GLT1D1: variants seen among roughly 807,000 people sequenced by gnomAD.
GLT1D1 encodes the protein glycosyltransferase 1 domain containing 1, also known as glycosyltransferase 1 domain-containing protein 1.
A neutral mutation model predicts 28.7 loss-of-function variants in GLT1D1; 21 were observed. The ratio of observed to expected loss-of-function variants is 0.73; its 90% confidence interval spans 0.52 to 1.05. GLT1D1 has a LOEUF of 1.05. GLT1D1 is among the 50% of genes least tolerant of loss of function. The pLI is 0.00. For missense variants in GLT1D1, 343 were observed against 330.6 expected (o/e 1.04, Z -0.29); for synonymous variants, 147 against 124.8 (o/e 1.18, Z -1.19).
intron 7 of GLT1D1, among the ~76,000 whole-genome samples, chr12:128,964,656 A>T (rs181960956): frequency 6.6e-6 from 1 of 152,334 alleles, no homozygotes; most frequent in Non-Finnish European, 1.5e-5. Flanking sequence ...GAACTGAAGC[A>T]TGGAGAAACC....
At chr12:128,861,367 G>A (rs764637074) in intron 1 of GLT1D1, among the ~76,000 whole-genome samples, 3 of 152,150 alleles carry the variant, frequency 2.0e-5, no homozygotes, top group Non-Finnish European at 4.4e-5. Context: ...CTTCTGACCC[G>A]TGCTCTACAT....
chr12:128,962,814 G>A (rs906624846), intron 7 of GLT1D1, among the ~76,000 whole-genome samples: 1 of 152,098 alleles, frequency 6.6e-6, no homozygotes, highest in Non-Finnish European at 1.5e-5. Flanking sequence ...TGATTATCCT[G>A]TCTCAGCCTC....
At position 128,900,625 on chromosome 12, in the gene GLT1D1, G is replaced by GT. The variant is rs940237547; in HGVS notation, c.375+1339dup. ...AGGCATCCTGGTTTCCAGTTTTATT[G>GT]TAATACCAAACTTTTTTTTTTTTTT... On this transcript the variant is annotated intron_variant, in intron 4 of 7. Transcript: ENST00000281703. Among the ~76,000 whole-genome samples, 17 of 150,422 alleles carry GT rather than the reference G, an allele frequency of 1.1e-4. 1 individual carries two copies. Among genetic ancestry groups the GT allele is most frequent in the Admixed American group, 6.6e-5 (1 of 15,084 alleles).
intron 7 of GLT1D1, among the ~76,000 whole-genome samples, chr12:128,977,522 C>G (rs533075070): frequency 3.9e-5 from 6 of 152,000 alleles, no homozygotes; most frequent in Non-Finnish European, 5.9e-5. Context: ...CATAAATATC[C>G]AGAATTTAGA....
intron 7 of GLT1D1, among the ~76,000 whole-genome samples, chr12:128,976,077 G>A (rs1244981753): frequency 2.0e-5 from 3 of 152,212 alleles, no homozygotes; most frequent in East Asian, 1.9e-4. Flanking sequence ...GGATGGTGCC[G>A]TGTACAAGAA....
Position 128,983,147 on chromosome 12 carries a change from G to A in GLT1D1, c.*57G>A, listed in dbSNP as rs1880501467. On this transcript the variant is annotated 3_prime_UTR_variant, in exon 8 of 8. Transcript: ENST00000281703. This position sits in a 1 kb window ranked among gnomAD's most constrained non-coding sequence, Gnocchi z 4.7. Reference sequence around the variant, plus strand: ...ACACACAGCTCTGGGTGCACACTCAGAGACAGAGTTCTGGATCACGTGGGC... The same window carrying A: ...ACACACAGCTCTGGGTGCACACTCAAAGACAGAGTTCTGGATCACGTGGGC... 1 of 1,521,428 alleles carries A rather than the reference G, an allele frequency of 6.6e-7. No individual in the cohort carries two copies. The highest frequency in any genetic ancestry group is 9.1e-7 in the Non-Finnish European group (1 of 1,103,736). 94.2% of individuals were successfully genotyped at this position (1,521,428 alleles called of 1,614,324 possible). A position where few individuals can be genotyped will look rare whatever the true frequency, so the allele number is the denominator to read the frequency against.
chr12:128,975,748 G>A (rs1879709844), intron 7 of GLT1D1, among the ~76,000 whole-genome samples: 1 of 152,142 alleles, frequency 6.6e-6, no homozygotes, highest in African/African-American at 2.4e-5. Flanking sequence ...CACAGCTCCC[G>A]GCCCCCTAAT....
chr12:128,908,361 T>TTTTCTTTC (rs138746931), intron 4 of GLT1D1, among the ~76,000 whole-genome samples: 22 of 119,920 alleles, frequency 1.8e-4, no homozygotes, highest in Non-Finnish European at 3.3e-4. Flanking sequence ...TCTTTCTTTC[T>TTTTCTTTC]TTTCTTTCTT....
At chr12:128,940,097 A>T (rs953684791) in intron 4 of GLT1D1, among the ~76,000 whole-genome samples, 1 of 151,472 alleles carries the variant, frequency 6.6e-6, no homozygotes, top group East Asian at 1.9e-4. Context: ...CTCTCAACAG[A>T]TGTATTTTGT....
rs1386955521 is a variant in GLT1D1 at position 128,853,538 on chromosome 12, C to T, written c.-44C>T. ...GTCTGCGCCGGCCCCGGGGCCTGGT[C>T]GGCGGCGGCGGGGCCGGTCGATGGC... is the stretch of plus-strand genomic sequence containing the variant. On this transcript the variant is annotated 5_prime_UTR_variant, in exon 1 of 8. Coordinates refer to ENST00000281703, the MANE Select transcript of GLT1D1 (RefSeq NM_144669.3). 5.2e-5 allele frequency: 54 copies of T among 1,032,178 alleles called. No individual in the cohort carries two copies. Among genetic ancestry groups the T allele is most frequent in the Non-Finnish European group, 6.2e-5 (54 of 864,696 alleles). 63.9% of individuals were successfully genotyped at this position (1,032,178 alleles called of 1,614,324 possible).
chr12:128,875,067 T>G (rs1956840383), intron 1 of GLT1D1, among the ~76,000 whole-genome samples: 1 of 151,376 alleles, frequency 6.6e-6, no homozygotes, highest in Non-Finnish European at 1.5e-5. Flanking sequence ...TGTGTGTGTG[T>G]GTGTGTGTGT....
chr12:128,872,219 C>A (rs1222364009), intron 1 of GLT1D1, among the ~76,000 whole-genome samples: 1 of 152,198 alleles, frequency 6.6e-6, no homozygotes, highest in African/African-American at 2.4e-5. Flanking sequence ...GCTGGGATTA[C>A]AGGCGTGAGC....
chr12:128,866,304 C>G (rs373430095), intron 1 of GLT1D1, among the ~76,000 whole-genome samples: 6 of 150,850 alleles, frequency 4.0e-5, no homozygotes, highest in East Asian at 1.9e-4. Flanking sequence ...CTCCTGACCT[C>G]GTGATCCACC....
At chr12:128,940,648 T>G (rs1486206386) in intron 4 of GLT1D1, among the ~76,000 whole-genome samples, 1 of 152,164 alleles carries the variant, frequency 6.6e-6, no homozygotes, top group Non-Finnish European at 1.5e-5. Context: ...TCAACAAGTG[T>G]GTTATTAGCC....
intron 7 of GLT1D1, among the ~76,000 whole-genome samples, chr12:128,960,734 C>T (rs907494391): frequency 6.6e-6 from 1 of 151,608 alleles, no homozygotes; most frequent in Admixed American, 6.6e-5. Flanking sequence ...CACCAGTGCA[C>T]TCCAGCCTGG....
chr12:128,953,360 A>G (rs1167840680), intron 6 of GLT1D1, among the ~76,000 whole-genome samples: 1 of 151,830 alleles, frequency 6.6e-6, no homozygotes, highest in East Asian at 1.9e-4. Flanking sequence ...ATTTTTTTGT[A>G]GAAAAAGGAG....
chr12:128,856,742 A>G (rs1297418216), intron 1 of GLT1D1, among the ~76,000 whole-genome samples: 3 of 152,158 alleles, frequency 2.0e-5, no homozygotes, highest in African/African-American at 7.2e-5. Flanking sequence ...TTTGTGCTTA[A>G]GAAGTAATTA....
chr12:128,873,434 G>A (rs1387713812), intron 1 of GLT1D1, among the ~76,000 whole-genome samples: 1 of 152,120 alleles, frequency 6.6e-6, no homozygotes, highest in African/African-American at 2.4e-5. Flanking sequence ...GCGGATGCAC[G>A]GTGAGGTAGT....
At chr12:128,940,397 A>G (rs916756509) in intron 4 of GLT1D1, among the ~76,000 whole-genome samples, 2 of 152,090 alleles carry the variant, frequency 1.3e-5, no homozygotes, top group Non-Finnish European at 2.9e-5. Context: ...AGCAATCCCA[A>G]GGTGCTAGAG....
Sources: allele counts gnomAD v4.1 joint callset (sites outside exome capture counted in the v4.1 genomes callset), GRCh38; gene constraint gnomAD v4.1.1; non-coding constraint Gnocchi (gnomAD v3.1); transcripts MANE v1.5; gene names NCBI Gene and HGNC (gene_info 2026-07-23, HGNC 2026-07-21).